Variants in CCSER1 observed in about 807,000 individuals in gnomAD.
CCSER1 encodes the protein coiled-coil serine rich protein 1.
CCSER1 carries 41 observed loss-of-function variants against 82.0 expected under a neutral mutation model. That is an observed-to-expected ratio of 0.50 (90% CI 0.39 to 0.65). The LOEUF (loss-of-function observed/expected upper bound fraction) is 0.65, where lower values mean the gene tolerates loss of function less well. Among genes scored for constraint, CCSER1 ranks in the 30% least tolerant of loss-of-function variants. CCSER1 has a pLI of 0.00. For missense variants in CCSER1, 1,119 were observed against 1,064.2 expected (o/e 1.05, Z -0.72); for synonymous variants, 414 against 383.9 (o/e 1.08, Z -0.92).
intron 8 of CCSER1, among the ~76,000 whole-genome samples, chr4:90,863,432 TGATA>T (rs368603719): frequency 8.5e-4 from 130 of 152,072 alleles, no homozygotes; most frequent in African/African-American, 3.1e-3. Flanking sequence ...TTCAGTCAGA[TGATA>T]GATACTTTTA....
intron 10 of CCSER1, among the ~76,000 whole-genome samples, chr4:91,498,122 A>T (rs559886915): frequency 6.6e-6 from 1 of 152,108 alleles, no homozygotes; most frequent in South Asian, 2.1e-4. Flanking sequence ...TAGAAAATCG[A>T]CCCAAGGTCA....
At chr4:90,176,365 G>A (rs566522763) in intron 1 of CCSER1, among the ~76,000 whole-genome samples, 1 of 151,974 alleles carries the variant, frequency 6.6e-6, no homozygotes, top group Non-Finnish European at 1.5e-5. Flanking sequence ...TGCAACTTCC[G>A]CAGAGAAGGC....
intron 10 of CCSER1, among the ~76,000 whole-genome samples, chr4:91,409,051 A>C (rs1752873795): frequency 6.6e-6 from 1 of 152,290 alleles, no homozygotes; most frequent in East Asian, 1.9e-4. Flanking sequence ...GGACAAAGCA[A>C]ACACCTGAAA....
At chr4:90,397,964 G>A (rs546504711) in intron 3 of CCSER1, among the ~76,000 whole-genome samples, 2 of 152,298 alleles carry the variant, frequency 1.3e-5, no homozygotes, top group East Asian at 3.9e-4. Flanking sequence ...TGCCAGGGCT[G>A]CCATAACAAA....
chr4:90,995,570 CTAAT>C (rs1328091538), intron 9 of CCSER1, among the ~76,000 whole-genome samples: 1 of 151,810 alleles, frequency 6.6e-6, no homozygotes, highest in African/African-American at 2.4e-5. Flanking sequence ...AAGTAAGCAG[CTAAT>C]TAAACTGAGA....
intron 9 of CCSER1, among the ~76,000 whole-genome samples, chr4:91,023,614 C>G (rs1740216448): frequency 1.3e-5 from 2 of 152,124 alleles, no homozygotes; most frequent in African/African-American, 2.4e-5. Flanking sequence ...ATGCAGAAAG[C>G]TGAAACTGGA....
intron 9 of CCSER1, among the ~76,000 whole-genome samples, chr4:91,034,515 T>C (rs2150562740): frequency 6.8e-6 from 1 of 148,072 alleles, no homozygotes; most frequent in East Asian, 2.1e-4. Context: ...TCCTTAATTA[T>C]ATTTAAAAAT....
rs1016082114 is a variant in CCSER1 at position 90,606,724 on chromosome 4, T to A, written c.1725-21301T>A. On this transcript the variant is annotated intron_variant, in intron 5 of 10. Transcript: ENST00000509176. ...ATAAAATTATATTTTGACAACTTCC[T>A]AAATTATTATGTCTCTCAGAGATAA... Among the ~76,000 whole-genome samples, 3 of 152,308 alleles carry A rather than the reference T, an allele frequency of 2.0e-5. No homozygotes were observed. The East Asian group carries it at 5.8e-4, about 29-fold the overall frequency.
At chr4:91,366,079 C>T (rs368505111) in intron 10 of CCSER1, among the ~76,000 whole-genome samples, 2 of 152,126 alleles carry the variant, frequency 1.3e-5, no homozygotes, top group African/African-American at 4.8e-5. Flanking sequence ...AATGCAATGG[C>T]ACGATCTTGG....
rs1003923444 is a variant in CCSER1 at position 90,742,453 on chromosome 4, C to T, written c.2010+18462C>T. ...CTATGATTAGGTCCTCAGTATAAAG[C>T]CCTTATGAATGTTATTAGTGCCCTT... On this transcript the variant is annotated intron_variant, in intron 7 of 10. Coordinates refer to ENST00000509176, the MANE Select transcript of CCSER1 (RefSeq NM_001145065.2). 1.6e-4 allele frequency among the ~76,000 whole-genome samples: 24 copies of T among 152,140 alleles called. No homozygotes were observed. In the Middle Eastern group the frequency reaches 0.01, roughly 65 times the overall value.
intron 5 of CCSER1, among the ~76,000 whole-genome samples, chr4:90,604,822 T>G (rs1422683891): frequency 6.6e-6 from 1 of 152,160 alleles, no homozygotes; most frequent in African/African-American, 2.4e-5. Context: ...CAGCACTGTG[T>G]GTCCAGCTCA....
At chr4:91,459,461 G>A (rs777608165) in intron 10 of CCSER1, among the ~76,000 whole-genome samples, 1 of 152,112 alleles carries the variant, frequency 6.6e-6, no homozygotes, top group Non-Finnish European at 1.5e-5. Context: ...ACAGAGGAAA[G>A]TAATTTCAGG....
intron 8 of CCSER1, among the ~76,000 whole-genome samples, chr4:90,868,600 T>C (rs1766042144): frequency 6.6e-6 from 1 of 152,084 alleles, no homozygotes; most frequent in Admixed American, 6.6e-5. Flanking sequence ...TCTGTTCCTC[T>C]GTCGATAGAC....
chr4:90,463,867 A>G (rs114567541), intron 4 of CCSER1, among the ~76,000 whole-genome samples: 1,783 of 152,218 alleles, frequency 0.012, 15 homozygotes, highest in South Asian at 0.022. Context: ...ATGAATCCTT[A>G]GTAGTTTTGC....
chr4:91,438,043 C>G (rs1200871695), intron 10 of CCSER1, among the ~76,000 whole-genome samples: 4 of 152,302 alleles, frequency 2.6e-5, no homozygotes, highest in Non-Finnish European at 5.9e-5. Context: ...GGCTCCACCT[C>G]TGGGGGCAGG....
intron 10 of CCSER1, among the ~76,000 whole-genome samples, chr4:91,480,835 A>G (rs1276221341): frequency 6.6e-6 from 1 of 152,206 alleles, no homozygotes; most frequent in African/African-American, 2.4e-5. Context: ...TTAATATGTA[A>G]CAAGTGTCTT....
At chr4:90,224,648 A>G (rs1742790310) in intron 1 of CCSER1, among the ~76,000 whole-genome samples, 1 of 152,216 alleles carries the variant, frequency 6.6e-6, no homozygotes, top group Non-Finnish European at 1.5e-5. Flanking sequence ...CTGATTTAAG[A>G]TACATTCGAT....
chr4:90,133,976 GGA>G (rs2153319717), intron 1 of CCSER1, among the ~76,000 whole-genome samples: 1 of 152,136 alleles, frequency 6.6e-6, no homozygotes, highest in African/African-American at 2.4e-5. Context: ...AAAAATAAGG[GGA>G]GTCTTAGAAT....
rs551529326 is a variant in CCSER1, at chr4:90,534,342, T to G, written c.1724+65988T>G. Among the ~76,000 whole-genome samples, 688 of 152,092 alleles carry G rather than the reference T, an allele frequency of 4.5e-3. 6 individuals carry two copies. The highest frequency in any genetic ancestry group is 0.014 in the African/African-American group (592 of 41,468). ...GACGGGGTTTCACCATGTTAGCCAG[T>G]ATGGTCTTGATCTTCTGACCTCGTG... is the stretch of plus-strand genomic sequence containing the variant. On this transcript the variant is annotated intron_variant, in intron 5 of 10. Coordinates refer to ENST00000509176, the MANE Select transcript of CCSER1 (RefSeq NM_001145065.2).
Sources: gnomAD v4.1 joint callset for allele counts (sites outside exome capture counted in the v4.1 genomes callset) on GRCh38, gnomAD v4.1.1 for gene constraint, MANE v1.5 for transcripts, NCBI Gene and HGNC (gene_info 2026-07-23, HGNC 2026-07-21) for gene names.